The following PAQR3 variants were observed in gnomAD, a reference collection of about 807,000 sequenced individuals.
The protein encoded by PAQR3 is Raf kinase trapping to Golgi.
A neutral mutation model predicts 41.7 loss-of-function variants in PAQR3; 39 were observed. The observed-to-expected ratio is 0.93, with a 90% CI of 0.72 to 1.22. PAQR3 has a LOEUF of 1.22. Among genes scored for constraint, PAQR3 ranks in the 50% most tolerant of loss-of-function variants. The probability of loss-of-function intolerance (pLI) is 0.00; values close to 1 mark genes in which losing one functional copy is unlikely to be tolerated. For synonymous variants in PAQR3, 140 were observed against 140.6 expected (o/e 1.00, Z 0.03); for missense variants, 366 against 385.6 (o/e 0.95, Z 0.42).
intron 11 of PAQR3, among the ~76,000 whole-genome samples, chr4:78,903,768 T>C (rs955799262): frequency 6.6e-6 from 1 of 151,990 alleles, no homozygotes; most frequent in Non-Finnish European, 1.5e-5. Flanking sequence ...GTGGCTTTTA[T>C]TTTTTGGGCA....
downstream of PAQR3, among the ~76,000 whole-genome samples, chr4:78,908,210 C>A (rs1261906906): frequency 6.6e-6 from 1 of 152,176 alleles, no homozygotes; most frequent in African/African-American, 2.4e-5. Flanking sequence ...GTATTCTTCA[C>A]ATACTTGTCT....
intron 2 of PAQR3, among the ~76,000 whole-genome samples, chr4:78,930,879 A>ATT (rs1560580893): frequency 2.8e-5 from 1 of 35,314 alleles, no homozygotes; most frequent in Admixed American, 2.1e-4. Flanking sequence ...ACATGCACAC[A>ATT]TTATATATAT....
chr4:78,902,760 G>A (rs1216403476), intron 11 of PAQR3, among the ~76,000 whole-genome samples: 2 of 152,030 alleles, frequency 1.3e-5, no homozygotes, highest in Admixed American at 6.6e-5. Flanking sequence ...AGGAAAAGAG[G>A]GAAACCTGAT....
At chr4:78,898,247 G>A (rs1391535663) in intron 11 of PAQR3, among the ~76,000 whole-genome samples, 1 of 152,096 alleles carries the variant, frequency 6.6e-6, no homozygotes, top group East Asian at 1.9e-4. Flanking sequence ...TTATCTAATA[G>A]GAAGTTAAAT....
intron 11 of PAQR3, among the ~76,000 whole-genome samples, chr4:78,898,457 G>A (rs148921302): frequency 1.0e-3 from 159 of 151,760 alleles, no homozygotes; most frequent in African/African-American, 3.5e-3. Flanking sequence ...AACTGGAGAG[G>A]TTGGCAGGGG....
intron 5 of PAQR3, chr4:78,923,105 C>T (rs1451308405): frequency 5.2e-6 from 2 of 387,348 alleles, no homozygotes; most frequent in African/African-American, 2.1e-5. Context: ...GCTTTGTCAC[C>T]ATTATCTATT....
chr4:78,895,215 A>T (rs998967561), intron 11 of PAQR3, among the ~76,000 whole-genome samples: 3 of 152,244 alleles, frequency 2.0e-5, no homozygotes, highest in African/African-American at 7.2e-5. Context: ...GGCTTGCTAC[A>T]GAGTTTTAAT....
At chr4:78,906,895 T>A (rs1734313914), downstream of PAQR3, among the ~76,000 whole-genome samples, 1 of 152,074 alleles carries the variant, frequency 6.6e-6, no homozygotes, top group African/African-American at 2.4e-5. Context: ...ATAAAGAAAG[T>A]GGAATAGTGG....
chr4:78,937,371 A>G (rs1338650130), intron 1 of PAQR3, among the ~76,000 whole-genome samples: 1 of 152,156 alleles, frequency 6.6e-6, no homozygotes, highest in Non-Finnish European at 1.5e-5. Context: ...GTAAAACCCT[A>G]TGTCTTGTTT....
intron 3 of PAQR3, among the ~76,000 whole-genome samples, chr4:78,929,669 C>G (rs1235861187): frequency 1.3e-5 from 2 of 152,146 alleles, no homozygotes; most frequent in African/African-American, 4.8e-5. Context: ...AGCCTACCCC[C>G]AAACATAAGA....
At position 78,924,381 on chromosome 4, in the gene PAQR3, T is replaced by A. The variant is rs1735981216; in HGVS notation, c.703-434A>T. 2.0e-5 allele frequency among the ~76,000 whole-genome samples: 3 copies of A among 152,168 alleles called. No individual in the cohort carries two copies. In the South Asian group the frequency reaches 6.2e-4, roughly 31 times the overall value. On this transcript the variant is annotated intron_variant, in intron 4 of 5. Coordinates refer to ENST00000512733, the MANE Select transcript of PAQR3 (RefSeq NM_001040202.2). ...GAATACTACTATATGAAGCACTTTG[T>A]CTCACTGCTGACACAGTATTGAGAA...
chr4:78,911,826 T>C (rs1263865335), downstream of PAQR3: 1 of 1,613,994 alleles, frequency 6.2e-7, no homozygotes. Flanking sequence ...ACATCCGTGC[T>C]GATCACAATA....
rs1277623818 is a variant in PAQR3, at chr4:78,917,067, CAA to C, written c.*3470_*3471del. ...CAAATGATTAGAAAAGTTCTATTAACAAAGAATAGTTTGCAGTGTATTACTGT... is the reference window on the plus strand; with the variant it reads ...CAAATGATTAGAAAAGTTCTATTAACAGAATAGTTTGCAGTGTATTACTGT... On this transcript the variant is annotated 3_prime_UTR_variant, in exon 6 of 6. Transcript: ENST00000512733. 2 of 151,886 alleles carry C rather than the reference CAA, an allele frequency of 1.3e-5. No homozygotes were observed. The highest frequency in any genetic ancestry group is 1.9e-4 in the East Asian group (1 of 5,202). The allele number at this position is 151,886 out of a possible 1,614,324, so 9.4% of individuals were successfully genotyped here.
rs934418003 is a variant in PAQR3 at position 78,912,258 on chromosome 4, G to C, written c.*8281C>G. On this transcript the variant is annotated 3_prime_UTR_variant, in exon 6 of 6. Transcript: ENST00000512733. ...GAGCTAAATTGCAAGCTCTAACTAA[G>C]GGTTTCTGCTACTGACATCACAACA... The C allele has an allele frequency of 2.1e-6, 1 of 471,286 alleles. No individual in the cohort carries two copies. Among genetic ancestry groups the C allele is most frequent in the Non-Finnish European group, 3.7e-6 (1 of 267,960 alleles). 29.2% of individuals were successfully genotyped at this position (471,286 alleles called of 1,614,324 possible). A position where few individuals can be genotyped will look rare whatever the true frequency, so the allele number is the denominator to read the frequency against.
At chr4:78,929,777 G>C (rs1435052691) in intron 3 of PAQR3, among the ~76,000 whole-genome samples, 1 of 151,906 alleles carries the variant, frequency 6.6e-6, no homozygotes, top group Non-Finnish European at 1.5e-5. Context: ...AAAAAGAAAT[G>C]GTAAGCAGTA....
downstream of PAQR3, chr4:78,911,745 G>T: frequency 6.2e-7 from 1 of 1,613,936 alleles, no homozygotes. Flanking sequence ...AGAGCCTGTT[G>T]GACCCCTTCG....
downstream of PAQR3, among the ~76,000 whole-genome samples, chr4:78,909,644 G>A (rs190967222): frequency 4.9e-4 from 75 of 152,194 alleles, no homozygotes; most frequent in African/African-American, 1.7e-3. Flanking sequence ...TCCTTTGCAT[G>A]GCTGGGCTCC....
chr4:78,925,426 C>T (rs1156277868), intron 4 of PAQR3, among the ~76,000 whole-genome samples: 2 of 152,060 alleles, frequency 1.3e-5, no homozygotes, highest in African/African-American at 2.4e-5. Context: ...CCTGATGTCC[C>T]TCATCATTAC....
intron 11 of PAQR3, among the ~76,000 whole-genome samples, chr4:78,894,309 T>C (rs1733588762): frequency 6.6e-6 from 1 of 152,256 alleles, no homozygotes; most frequent in Admixed American, 6.5e-5. Flanking sequence ...CTAGATGGCA[T>C]CTTCCAATAG....
Sources: gnomAD v4.1 joint callset for allele counts (sites outside exome capture counted in the v4.1 genomes callset) on GRCh38, gnomAD v4.1.1 for gene constraint, MANE v1.5 for transcripts, NCBI Gene and HGNC (gene_info 2026-07-23, HGNC 2026-07-21) for gene names.